PJA2: variants seen among roughly 807,000 people sequenced by gnomAD.
PJA2 encodes the protein E3 ubiquitin-protein ligase Praja-2.
In PJA2, 25 loss-of-function variants were observed where a neutral mutation model predicts 69.3. The ratio of observed to expected loss-of-function variants is 0.36; its 90% CI spans 0.26 to 0.50. The LOEUF (loss-of-function observed/expected upper bound fraction) is 0.50. Ranked by LOEUF, PJA2 falls within the 20% of genes least tolerant of loss-of-function variation. The pLI, the probability that PJA2 is intolerant of heterozygous loss-of-function variation, is 0.96. For synonymous variants in PJA2, 308 were observed against 277.8 expected, an observed-to-expected ratio of 1.11 and a Z score of -1.08; for missense variants, 809 against 830.2, an observed-to-expected ratio of 0.97 and a Z score of 0.31.
At chr5:109,360,904 G>A (rs1229983997) in intron 6 of PJA2, among the ~76,000 whole-genome samples, 2 of 152,076 alleles carry the variant, frequency 1.3e-5, no homozygotes, top group Non-Finnish European at 2.9e-5. Flanking sequence ...GAGGAGGGTG[G>A]ATCACTTGAG....
chr5:109,362,611 T>G (rs1226416177), intron 6 of PJA2, among the ~76,000 whole-genome samples: 1 of 152,092 alleles, frequency 6.6e-6, no homozygotes, highest in South Asian at 2.1e-4. Flanking sequence ...GTAACTAGGA[T>G]GTAAGGTGAG....
intron 1 of PJA2, among the ~76,000 whole-genome samples, chr5:109,395,121 AC>A (rs1486751479): frequency 1.3e-5 from 2 of 152,218 alleles, no homozygotes; most frequent in African/African-American, 4.8e-5. Context: ...CTCACTCTCA[AC>A]CCAGGTCAGA....
In PJA2 at chr5:109,345,675, G is replaced by A. The variant is rs9942411; in HGVS notation, c.1765-856C>T. On this transcript the variant is annotated intron_variant, in intron 7 of 9. Transcript: ENST00000361189. ...TTTTGGAAAGGTTCACTTCATGAAA[G>A]ATAAAATGTGGCTGAGGCTACTAGA... Among the ~76,000 whole-genome samples, 1,243 of 152,268 alleles carry A rather than the reference G, an allele frequency of 8.2e-3. 13 individuals are homozygous for A. Among genetic ancestry groups the A allele is most frequent in the African/African-American group, 0.028 (1,183 of 41,554 alleles).
At chr5:109,358,069 G>A (rs1582596847) in intron 6 of PJA2, among the ~76,000 whole-genome samples, 1 of 152,122 alleles carries the variant, frequency 6.6e-6, no homozygotes, top group South Asian at 2.1e-4. Context: ...CCCAAAATCT[G>A]GCCATAAACT....
intron 4 of PJA2, among the ~76,000 whole-genome samples, chr5:109,377,987 C>T (rs1423965734): frequency 6.6e-6 from 1 of 152,154 alleles, no homozygotes; most frequent in East Asian, 1.9e-4. Context: ...TCTGAACTTA[C>T]TTCTGTAAAC....
At chr5:109,338,774 TA>T (rs1459812372) in intron 9 of PJA2, among the ~76,000 whole-genome samples, 1 of 152,162 alleles carries the variant, frequency 6.6e-6, no homozygotes, top group Non-Finnish European at 1.5e-5. Context: ...ACTAGCTATT[TA>T]AACTTAGACA....
At position 109,355,978 on chromosome 5, in the gene PJA2, T is replaced by G. The variant is rs982856315; in HGVS notation, c.1701A>C (p.Ser567=). The G allele has an allele frequency of 2.5e-6, 4 of 1,613,146 alleles. No homozygotes were observed. Among genetic ancestry groups the G allele is most frequent in the African/African-American group, 1.3e-5 (1 of 74,604 alleles). ...AGGTAAGGAACTGAGGATCCACATA[T>G]GAAATAGCTTCAGCAACTCCTAGTC... ...ADGLGVAEAI[S]YVDPQFLTYM... is the part of the protein sequence containing the mutation. Residue 567 remains serine (S), a synonymous_variant, in exon 7 of 10, where the codon TCA becomes TCC. Coordinates refer to ENST00000361189, the MANE Select transcript of PJA2 (RefSeq NM_014819.5).
At chr5:109,361,994 A>C (rs756664927) in intron 6 of PJA2, among the ~76,000 whole-genome samples, 6 of 152,258 alleles carry the variant, frequency 3.9e-5, no homozygotes, top group Non-Finnish European at 7.3e-5. Flanking sequence ...ACCTGAAGAG[A>C]TATCAGGAGA....
At chr5:109,402,741 G>C (rs992206634) in intron 1 of PJA2, among the ~76,000 whole-genome samples, 4 of 152,022 alleles carry the variant, frequency 2.6e-5, no homozygotes, top group African/African-American at 9.7e-5. Context: ...TTTACTGAGA[G>C]TAACCATATT....
intron 1 of PJA2, among the ~76,000 whole-genome samples, chr5:109,399,804 G>C (rs374832174): frequency 2.4e-4 from 36 of 152,248 alleles, no homozygotes; most frequent in South Asian, 1.4e-3. Flanking sequence ...AGAATTATCA[G>C]AGAAGAAAAT....
chr5:109,394,041 T>C (rs967276610), intron 1 of PJA2, among the ~76,000 whole-genome samples: 4 of 91,522 alleles, frequency 4.4e-5, no homozygotes, highest in African/African-American at 1.9e-4. Context: ...CTAATTCTCT[T>C]TTTTTTTTTT....
chr5:109,341,147 A>G (rs1162334238), intron 9 of PJA2, among the ~76,000 whole-genome samples: 4 of 98,738 alleles, frequency 4.1e-5, no homozygotes, highest in Non-Finnish European at 4.5e-5. Flanking sequence ...CCCAGTCTGG[A>G]AAGTGAGGAG....
At chr5:109,374,786 C>G (rs1003019396) in intron 4 of PJA2, among the ~76,000 whole-genome samples, 2 of 152,198 alleles carry the variant, frequency 1.3e-5, no homozygotes, top group African/African-American at 4.8e-5. Context: ...AAGGAACAGA[C>G]AGTAGATGGC....
intron 1 of PJA2, among the ~76,000 whole-genome samples, chr5:109,401,185 G>T (rs1267479834): frequency 6.6e-6 from 1 of 151,990 alleles, no homozygotes; most frequent in Non-Finnish European, 1.5e-5. Context: ...TTGGGAGACT[G>T]AGGCATGAGA....
intron 9 of PJA2, among the ~76,000 whole-genome samples, chr5:109,341,062 C>T (rs970796996): frequency 6.9e-6 from 1 of 144,888 alleles, no homozygotes; most frequent in Non-Finnish European, 1.5e-5. Flanking sequence ...CGGCTGCCAC[C>T]CCGTCTGGGA....
At chr5:109,360,828 G>A (rs1289634060) in intron 6 of PJA2, among the ~76,000 whole-genome samples, 1 of 152,110 alleles carries the variant, frequency 6.6e-6, no homozygotes, top group African/African-American at 2.4e-5. Context: ...TCAAATTTAA[G>A]TTCAAATTAT....
intron 9 of PJA2, among the ~76,000 whole-genome samples, chr5:109,339,008 A>G (rs1174739599): frequency 6.6e-6 from 1 of 152,252 alleles, no homozygotes; most frequent in Non-Finnish European, 1.5e-5. Flanking sequence ...GCACCTACCT[A>G]TATCATCTAA....
chr5:109,342,680 C>T (rs1386634181), intron 9 of PJA2, among the ~76,000 whole-genome samples: 6 of 129,394 alleles, frequency 4.6e-5, no homozygotes, highest in Admixed American at 2.9e-4. Flanking sequence ...CCTGGCCAGC[C>T]GCCCCGTCCG....
intron 1 of PJA2, among the ~76,000 whole-genome samples, chr5:109,387,599 A>G (rs1286516743): frequency 2.0e-5 from 3 of 152,210 alleles, no homozygotes; most frequent in Admixed American, 6.5e-5. Flanking sequence ...TACTAATACT[A>G]AAACAAATAT....
Sources: allele counts gnomAD v4.1 joint callset (sites outside exome capture counted in the v4.1 genomes callset), GRCh38; gene constraint gnomAD v4.1.1; transcripts MANE v1.5; gene names NCBI Gene and HGNC (gene_info 2026-07-23, HGNC 2026-07-21).